BCAS4: variants seen among roughly 807,000 people sequenced by gnomAD.
The protein encoded by BCAS4 is breast carcinoma amplified sequence 4, also known as breast carcinoma-amplified sequence 4.
BCAS4 carries 9 observed loss-of-function variants against 15.7 expected under a neutral mutation model. The observed-to-expected ratio is 0.57, with a 90% CI of 0.34 to 1.00. The LOEUF (loss-of-function observed/expected upper bound fraction) is 1.00, where lower values mean the gene tolerates loss of function less well. Ranked by LOEUF, BCAS4 falls within the 50% of genes least tolerant of loss-of-function variation. The pLI is 0.02. For missense variants in BCAS4, 225 were observed against 239.1 expected (o/e 0.94, Z 0.39); for synonymous variants, 101 against 99.5 (o/e 1.02, Z -0.09).
rs368467971 is a variant in BCAS4, at chr20:50,828,596, G to A, written c.163-1683G>A. Among the ~76,000 whole-genome samples, 12 of 152,080 alleles carry A rather than the reference G, an allele frequency of 7.9e-5. No homozygotes were observed. In the South Asian group the frequency reaches 8.3e-4, roughly 11 times the overall value. On this transcript the variant is annotated intron_variant, in intron 2 of 4. Transcript: ENST00000371608. ...GGAGTTCAAGACCAACCTGGCCAAC[G>A]TGGTGAAACCCCGTCTCTACTAAAA...
rs115630669 is a variant in BCAS4 at position 50,831,559 on chromosome 20, G to A, written c.264+1179G>A. Among the ~76,000 whole-genome samples, 886 of 152,222 alleles carry A rather than the reference G, an allele frequency of 5.8e-3. 10 individuals carry two copies. Among genetic ancestry groups the A allele is most frequent in the African/African-American group, 0.021 (855 of 41,528 alleles). The stretch of plus-strand genomic sequence containing the variant: ...TTTTACTTGCCTGGCTAAGATGCAT[G>A]GCATCTCATTTCCTCCTTGTTGCAC... On this transcript the variant is annotated intron_variant, in intron 3 of 4. Coordinates refer to ENST00000371608, the MANE Select transcript of BCAS4 (RefSeq NM_198799.4).
intron 4 of BCAS4, among the ~76,000 whole-genome samples, chr20:50,862,289 T>C (rs573675064): frequency 1.3e-5 from 2 of 152,284 alleles, no homozygotes; most frequent in South Asian, 4.1e-4. Context: ...CCGCCTTTTG[T>C]TTCCCTTTGT....
intron 2 of BCAS4, among the ~76,000 whole-genome samples, chr20:50,823,884 T>C (rs2088246257): frequency 6.6e-6 from 1 of 152,132 alleles, no homozygotes; most frequent in South Asian, 2.1e-4. Flanking sequence ...TGTAAACATA[T>C]GTGCGGATTC....
intron 2 of BCAS4, among the ~76,000 whole-genome samples, chr20:50,825,816 G>T (rs991608366): frequency 5.3e-5 from 8 of 152,156 alleles, no homozygotes; most frequent in Admixed American, 4.6e-4. Flanking sequence ...GGCAGAGGTT[G>T]CAGTGAGCAG....
chr20:50,813,022 T>C (rs2088090779), intron 1 of BCAS4, among the ~76,000 whole-genome samples: 2 of 152,048 alleles, frequency 1.3e-5, no homozygotes, highest in Non-Finnish European at 2.9e-5. Context: ...TCTCACTATG[T>C]TGCCCAGGAT....
intron 2 of BCAS4, among the ~76,000 whole-genome samples, chr20:50,826,823 C>T (rs2088282883): frequency 6.6e-6 from 1 of 152,070 alleles, no homozygotes; most frequent in South Asian, 2.1e-4. Flanking sequence ...AAACAATTAG[C>T]TGGGCATGGT....
intron 2 of BCAS4, among the ~76,000 whole-genome samples, chr20:50,820,664 A>T (rs2088202940): frequency 6.6e-6 from 1 of 152,204 alleles, no homozygotes; most frequent in Admixed American, 6.5e-5. Flanking sequence ...CTGGGGGCAG[A>T]AGTCCATGTG....
At chr20:50,795,489 C>T (rs2087843573) in intron 1 of BCAS4, among the ~76,000 whole-genome samples, 1 of 152,190 alleles carries the variant, frequency 6.6e-6, no homozygotes, top group South Asian at 2.1e-4. Flanking sequence ...CCCGGGACCT[C>T]TGCTGCCCCG....
At chr20:50,822,852 C>T (rs1403822654) in intron 2 of BCAS4, among the ~76,000 whole-genome samples, 2 of 151,118 alleles carry the variant, frequency 1.3e-5, no homozygotes, top group Non-Finnish European at 3.0e-5. Context: ...GTCTCGAACT[C>T]CTGACCTCAA....
intron 4 of BCAS4, among the ~76,000 whole-genome samples, chr20:50,855,299 T>TGTGTCACTGCCTGGATCC (rs1056331313): frequency 6.6e-6 from 1 of 152,210 alleles, no homozygotes; most frequent in African/African-American, 2.4e-5. Context: ...TCTCTATCTT[T>TGTGTCACTGCCTGGATCC]GTGTCACTGC....
chr20:50,847,900 C>G (rs2088565547), intron 4 of BCAS4, among the ~76,000 whole-genome samples: 1 of 151,854 alleles, frequency 6.6e-6, no homozygotes, highest in Admixed American at 6.6e-5. Context: ...CAAAACTTTG[C>G]CAGGGGTGGT....
chr20:50,853,364 C>T (rs1196157669), intron 4 of BCAS4, among the ~76,000 whole-genome samples: 10 of 151,864 alleles, frequency 6.6e-5, no homozygotes, highest in Non-Finnish European at 5.9e-5. Context: ...AGGCTGGTCT[C>T]GAACTCTTGA....
chr20:50,876,920 G>A lies in BCAS4; in HGVS notation c.*312G>A. The stretch of plus-strand genomic sequence containing the variant: ...GAGAAGCAGTTGGAACCCACGTGTG[G>A]TGATGCCTCCCACATCGGCCTGCTT... On this transcript the variant is annotated 3_prime_UTR_variant, in exon 5 of 5. Coordinates refer to ENST00000371608, the MANE Select transcript of BCAS4 (RefSeq NM_198799.4). The A allele has an allele frequency of 4.8e-6, 1 of 206,706 alleles. No homozygotes were observed. Among genetic ancestry groups the A allele is most frequent in the East Asian group, 1.3e-4 (1 of 7,776 alleles). The allele number at this position is 206,706 out of a possible 1,614,324, so 12.8% of individuals were successfully genotyped here. A position where few individuals can be genotyped will look rare whatever the true frequency, so the allele number is the denominator to read the frequency against.
chr20:50,876,122 T>G (rs1180917824), intron 4 of BCAS4: 1 of 418,836 alleles, frequency 2.4e-6, no homozygotes, highest in East Asian at 7.0e-5. Context: ...GGCTAATTTC[T>G]GTATTTTTAG....
At chr20:50,853,853 A>AGGG (rs796256084) in intron 4 of BCAS4, among the ~76,000 whole-genome samples, 4,095 of 104,906 alleles carry the variant, frequency 0.039, 772 homozygotes, top group African/African-American at 0.083. Flanking sequence ...TGCACTGTAG[A>AGGG]TGTTTTGTAT....
intron 4 of BCAS4, among the ~76,000 whole-genome samples, chr20:50,857,521 CAG>C (rs1308018375): frequency 1.3e-5 from 2 of 152,184 alleles, no homozygotes; most frequent in African/African-American, 4.8e-5. Flanking sequence ...GATGAGAAAA[CAG>C]AGGCACAGAG....
intron 4 of BCAS4, among the ~76,000 whole-genome samples, chr20:50,858,658 G>T (rs1364555841): frequency 2.0e-5 from 3 of 151,634 alleles, no homozygotes; most frequent in African/African-American, 7.3e-5. Flanking sequence ...GTATTGTTTG[G>T]GGAATAATGA....
chr20:50,872,133 C>A (rs1048272588), intron 4 of BCAS4, among the ~76,000 whole-genome samples: 2 of 151,680 alleles, frequency 1.3e-5, no homozygotes, highest in African/African-American at 2.4e-5. Flanking sequence ...TGGTGGTGGG[C>A]GCCTTTAGTA....
At chr20:50,858,559 G>A (rs1978889862) in intron 4 of BCAS4, among the ~76,000 whole-genome samples, 1 of 152,140 alleles carries the variant, frequency 6.6e-6, no homozygotes, top group South Asian at 2.1e-4. Context: ...CCAAGATCGC[G>A]CCATTGTGCT....
Sources: gnomAD v4.1 joint callset for allele counts (sites outside exome capture counted in the v4.1 genomes callset) on GRCh38, gnomAD v4.1.1 for gene constraint, MANE v1.5 for transcripts, NCBI Gene and HGNC (gene_info 2026-07-23, HGNC 2026-07-21) for gene names.